Variants in STX8 observed in about 807,000 individuals in gnomAD.
The protein encoded by STX8 is syntaxin-8.
Under a neutral mutation model 37.5 loss-of-function variants are expected in STX8, and 23 were observed. The ratio of observed to expected loss-of-function variants is 0.61; its 90% CI spans 0.44 to 0.87. The LOEUF (loss-of-function observed/expected upper bound fraction) is 0.87. Among genes scored for constraint, STX8 ranks in the 40% least tolerant of loss-of-function variants. STX8 has a pLI of 0.00. For missense variants in STX8, 313 were observed against 284.7 expected (o/e 1.10, Z -0.71); for synonymous variants, 115 against 99.1 (o/e 1.16, Z -0.95).
chr17:9,264,394 T>C (rs1326830462), intron 7 of STX8, among the ~76,000 whole-genome samples: 8 of 152,212 alleles, frequency 5.3e-5, no homozygotes. Context: ...AGCCTCCACC[T>C]TCTGAGCTCA....
intron 1 of STX8, among the ~76,000 whole-genome samples, chr17:9,574,440 C>T (rs528174828): frequency 3.3e-5 from 5 of 151,776 alleles, no homozygotes; most frequent in African/African-American, 9.7e-5. Flanking sequence ...GTTAAAGATG[C>T]TATTTATTTT....
intron 7 of STX8, among the ~76,000 whole-genome samples, chr17:9,361,196 G>A (rs1437876767): frequency 2.0e-5 from 3 of 152,104 alleles, no homozygotes; most frequent in Admixed American, 6.6e-5. Flanking sequence ...GATCCCTAGA[G>A]CTGATTAAAG....
At chr17:9,565,162 CG>C (rs1907403971) in intron 2 of STX8, among the ~76,000 whole-genome samples, 1 of 152,170 alleles carries the variant, frequency 6.6e-6, no homozygotes, top group East Asian at 1.9e-4. Context: ...GAGCCAGGAT[CG>C]TGCCACTGCA....
chr17:9,394,978 A>G (rs1912348702), intron 6 of STX8, among the ~76,000 whole-genome samples: 2 of 150,898 alleles, frequency 1.3e-5, no homozygotes, highest in South Asian at 2.1e-4. Context: ...CGGCAGGCTG[A>G]GGTAGGAGAA....
At chr17:9,388,738 G>T (rs867782650) in intron 6 of STX8, among the ~76,000 whole-genome samples, 1 of 151,232 alleles carries the variant, frequency 6.6e-6, no homozygotes, top group Middle Eastern at 3.2e-3. Flanking sequence ...AGGAGGCGGG[G>T]GTTACAGTGA....
intron 6 of STX8, chr17:9,470,087 T>C (rs1468898076): frequency 6.6e-6 from 1 of 152,220 alleles, no homozygotes; most frequent in African/African-American, 2.4e-5. Context: ...GTTCCCCAAC[T>C]ACTGTTTGAA....
intron 6 of STX8, among the ~76,000 whole-genome samples, chr17:9,480,143 C>T (rs1466714460): frequency 6.6e-6 from 1 of 152,260 alleles, no homozygotes; most frequent in East Asian, 1.9e-4. Flanking sequence ...TGTATCTGTG[C>T]AGTATCTGTC....
At chr17:9,307,361 A>G (rs1203599033) in intron 7 of STX8, among the ~76,000 whole-genome samples, 1 of 151,900 alleles carries the variant, frequency 6.6e-6, no homozygotes, top group Non-Finnish European at 1.5e-5. Flanking sequence ...GGGAGGGCTG[A>G]CCCCCACATG....
intron 7 of STX8, among the ~76,000 whole-genome samples, chr17:9,275,677 G>C (rs1353177956): frequency 1.3e-5 from 2 of 152,184 alleles, no homozygotes; most frequent in East Asian, 3.9e-4. Context: ...AGATCAGCCT[G>C]ACCAACATGG....
chr17:9,395,509 C>T (rs967873623), intron 6 of STX8, among the ~76,000 whole-genome samples: 1 of 152,218 alleles, frequency 6.6e-6, no homozygotes. Flanking sequence ...ACCTGGGAGG[C>T]AGAGGTTGCA....
chr17:9,529,401 A>G (rs1289519397), intron 4 of STX8, among the ~76,000 whole-genome samples: 1 of 152,246 alleles, frequency 6.6e-6, no homozygotes, highest in Admixed American at 6.5e-5. Flanking sequence ...TAGTATATAA[A>G]TGCACATATT....
intron 4 of STX8, among the ~76,000 whole-genome samples, chr17:9,543,333 GC>G (rs199965572): frequency 0.083 from 12,377 of 148,578 alleles, 729 homozygotes; most frequent in Non-Finnish European, 0.13. Context: ...TTGCTCTGTC[GC>G]CCAGGCTGGA....
chr17:9,395,966 G>A (rs2142310647), intron 6 of STX8, among the ~76,000 whole-genome samples: 1 of 152,214 alleles, frequency 6.6e-6, no homozygotes, highest in South Asian at 2.1e-4. Context: ...CATTACTTAG[G>A]CGTTAAACAA....
At position 9,304,177 on chromosome 17, in the gene STX8, A is replaced by G. The variant is rs975761052; in HGVS notation, c.644-53532T>C. On this transcript the variant is annotated intron_variant, in intron 7 of 7. Transcript: ENST00000306357. ...AAAAAGGAAATACAAATGGTCATTA[A>G]AATATATCCAAAGGTATTCTATTTC... is the stretch of plus-strand genomic sequence containing the variant. Among the ~76,000 whole-genome samples, 6 of 152,308 alleles carry G rather than the reference A, an allele frequency of 3.9e-5. No individual in the cohort carries two copies. In the South Asian group the frequency reaches 1.2e-3, roughly 32 times the overall value.
At chr17:9,499,629 A>C (rs781027255) in intron 5 of STX8, among the ~76,000 whole-genome samples, 1 of 152,068 alleles carries the variant, frequency 6.6e-6, no homozygotes, top group African/African-American at 2.4e-5. Context: ...CGATCTCTTG[A>C]CCTTGTGATG....
intron 6 of STX8, among the ~76,000 whole-genome samples, chr17:9,419,605 A>G (rs1412351413): frequency 1.3e-5 from 2 of 152,204 alleles, no homozygotes; most frequent in Admixed American, 6.5e-5. Context: ...TGGGAATTCC[A>G]ACAGCTTCTT....
chr17:9,402,915 C>G (rs1435990208), intron 6 of STX8, among the ~76,000 whole-genome samples: 1 of 152,194 alleles, frequency 6.6e-6, no homozygotes, highest in Non-Finnish European at 1.5e-5. Flanking sequence ...CAAGGGTGCT[C>G]CATCCCAACT....
rs1419840557 is a variant in STX8 at position 9,426,665 on chromosome 17, G to GT, written c.542-48013dup. On this transcript the variant is annotated intron_variant, in intron 6 of 7. Coordinates refer to ENST00000306357, the MANE Select transcript of STX8 (RefSeq NM_004853.3). The stretch of plus-strand genomic sequence containing the variant: ...GGTCTTAGCTACTCAGGAGGCTGAG[G>GT]TGGGAGGATCGCTTGAGCCTGGGAG... 2.6e-5 allele frequency among the ~76,000 whole-genome samples: 4 copies of GT among 152,312 alleles called. 1 individual carries two copies. In the East Asian group the frequency reaches 7.7e-4, roughly 29 times the overall value.
intron 7 of STX8, among the ~76,000 whole-genome samples, chr17:9,326,745 T>C (rs1231028804): frequency 3.3e-5 from 5 of 152,184 alleles, no homozygotes; most frequent in Admixed American, 6.5e-5. Context: ...AGGCACAATA[T>C]CTTTCCTCAC....
Sources: allele counts gnomAD v4.1 joint callset (sites outside exome capture counted in the v4.1 genomes callset), GRCh38; gene constraint gnomAD v4.1.1; transcripts MANE v1.5; gene names NCBI Gene and HGNC (gene_info 2026-07-23, HGNC 2026-07-21).